LRP1B: variants seen among roughly 807,000 people sequenced by gnomAD.
LRP1B encodes the protein low-density lipoprotein receptor-related protein 1B.
A neutral mutation model predicts 556.6 loss-of-function variants in LRP1B; 217 were observed. The observed-to-expected ratio is 0.39, with a 90% confidence interval of 0.35 to 0.44. LRP1B has a LOEUF of 0.44. Among genes scored for constraint, LRP1B ranks in the 20% least tolerant of loss-of-function variants. The probability of loss-of-function intolerance (pLI) is 1.00; values close to 1 mark genes in which losing one functional copy is unlikely to be tolerated. For missense variants in LRP1B, 5,053 were observed against 5,620.8 expected (o/e 0.90, Z 3.23); for synonymous variants, 2,047 against 1,865.8 (o/e 1.10, Z -2.50).
intron 85 of LRP1B, 152 bp downstream of exon 85, chr2:140,274,272 C>G (rs1682579135): frequency 1.6e-6 from 1 of 641,946 alleles, no homozygotes; most frequent in East Asian, 2.8e-5. Context: ...TTAAAGTGAA[C>G]TAGACTTACT....
rs1480339297 is a variant in LRP1B at position 141,229,589 on chromosome 2, T to C, written c.593-149A>G. The C allele has an allele frequency of 6.6e-6, 4 of 603,310 alleles. No homozygotes were observed. In the Admixed American group the frequency reaches 1.4e-4, roughly 22 times the overall value. The allele number at this position is 603,310 out of a possible 1,614,324, so 37.4% of individuals were successfully genotyped here. A position where few individuals can be genotyped will look rare whatever the true frequency, so the allele number is the denominator to read the frequency against. ...AAAAAAACTTTCTATAAGTCATATG[T>C]ATACTTCACTGTTTTAGTGTACTTC... is the stretch of plus-strand genomic sequence containing the variant. On this transcript the variant is annotated intron_variant, in intron 5 of 90. Coordinates refer to ENST00000389484, the MANE Select transcript of LRP1B (RefSeq NM_018557.3).
At chr2:141,400,849 C>G (rs1429541392) in intron 3 of LRP1B, among the ~76,000 whole-genome samples, 1 of 152,158 alleles carries the variant, frequency 6.6e-6, no homozygotes, top group East Asian at 1.9e-4. Flanking sequence ...AAACCAAATT[C>G]TATAGCCTGG....
rs114469469 is a variant in LRP1B at position 141,286,810 on chromosome 2, C to T, written c.344-32169G>A. The T allele has an allele frequency of 2.8e-3, 1,033 of 374,946 alleles. 12 individuals are homozygous for T. The highest frequency in any genetic ancestry group is 0.019 in the African/African-American group (909 of 48,358). The allele number at this position is 374,946 out of a possible 1,614,324, so 23.2% of individuals were successfully genotyped here. On this transcript the variant is annotated intron_variant, in intron 3 of 90. Transcript: ENST00000389484. ...GTATAAACTTGTTTACAACACTCTCCTATTTTCCTTTTAATGGGCAATGCT... is the reference window on the plus strand; with the variant it reads ...GTATAAACTTGTTTACAACACTCTCTTATTTTCCTTTTAATGGGCAATGCT...
intron 1 of LRP1B, among the ~76,000 whole-genome samples, chr2:142,028,677 G>A (rs771943557): frequency 2.6e-5 from 4 of 151,890 alleles, no homozygotes; most frequent in Non-Finnish European, 4.4e-5. Flanking sequence ...ATTTCTCTTA[G>A]GTAAATGCCT....
intron 6 of LRP1B, among the ~76,000 whole-genome samples, chr2:141,220,824 AG>A (rs1377882315): frequency 6.6e-6 from 1 of 152,008 alleles, no homozygotes; most frequent in Admixed American, 6.6e-5. Context: ...AGCCATACTA[AG>A]CTTCATAAGG....
At chr2:140,804,436 A>G (rs1440346519) in intron 32 of LRP1B, among the ~76,000 whole-genome samples, 1 of 151,736 alleles carries the variant, frequency 6.6e-6, no homozygotes, top group Non-Finnish European at 1.5e-5. Context: ...TATTTTTTAA[A>G]TTTTTCTCTT....
In LRP1B at chr2:141,487,495, C is replaced by T. The variant is rs987430964; in HGVS notation, c.206-6962G>A. On this transcript the variant is annotated intron_variant, in intron 2 of 90. Coordinates refer to ENST00000389484, the MANE Select transcript of LRP1B (RefSeq NM_018557.3). ...TTCTACAAATGCTACTTTCATCTCA[C>T]GAATACTCTCAAAATTATAATGGTT... Among the ~76,000 whole-genome samples, 34 of 152,270 alleles carry T rather than the reference C, an allele frequency of 2.2e-4. 1 individual carries two copies. The highest frequency in any genetic ancestry group is 1.2e-3 in the Admixed American group (19 of 15,276).
At chr2:141,484,988 T>G (rs960075317) in intron 2 of LRP1B, among the ~76,000 whole-genome samples, 2 of 152,270 alleles carry the variant, frequency 1.3e-5, no homozygotes, top group Middle Eastern at 3.4e-3. Context: ...AGGAACATGA[T>G]AGCAGGAGTA....
In LRP1B at chr2:141,049,024, T is replaced by C; in HGVS notation, c.1751A>G (p.Lys584Arg). The stretch of plus-strand genomic sequence containing the variant: ...GGTTTCTCTCTCTGTGCCATCTATC[T>C]TCTGCCGGCCAATTAGGAAACTGGT... ...DTTSFLIGRQKIDGTERETIL... is the reference protein window; with the variant it reads ...DTTSFLIGRQRIDGTERETIL... Residue 584 changes from lysine (K) to arginine (R), a missense_variant, in exon 11 of 91, where the codon AAG becomes AGG. Physicochemically the swap from Lys to Arg is conservative, Grantham distance 26. Around this residue, in one of 5 missense-constraint regions of LRP1B, gnomAD observed 3,619 missense variants for 3,931.9 expected, o/e 0.92. Transcript: ENST00000389484. 6.2e-7 allele frequency: 1 copy of C among 1,613,502 alleles called. No individual in the cohort carries two copies. Among genetic ancestry groups the C allele is most frequent in the Non-Finnish European group, 8.5e-7 (1 of 1,179,640 alleles).
chr2:141,442,782 G>A (rs114372180), intron 3 of LRP1B, among the ~76,000 whole-genome samples: 6,298 of 152,096 alleles, frequency 0.041, 184 homozygotes, highest in Non-Finnish European at 0.059. Flanking sequence ...TGGCTACATC[G>A]TATTCCATGG....
At chr2:141,081,749 G>A (rs979119963) in intron 7 of LRP1B, among the ~76,000 whole-genome samples, 1 of 152,152 alleles carries the variant, frequency 6.6e-6, no homozygotes, top group East Asian at 1.9e-4. Context: ...AAGAGGCACA[G>A]TAGAACTTTA....
chr2:141,156,023 AC>A (rs2105097381), intron 7 of LRP1B, among the ~76,000 whole-genome samples: 1 of 152,258 alleles, frequency 6.6e-6, no homozygotes, highest in South Asian at 2.1e-4. Context: ...AGACATTCAA[AC>A]ACTCAACTAC....
chr2:141,623,852 T>C (rs909079961), intron 2 of LRP1B, among the ~76,000 whole-genome samples: 3 of 150,970 alleles, frequency 2.0e-5, no homozygotes, highest in Non-Finnish European at 2.9e-5. Context: ...CCGTCTCTGC[T>C]AAAAATACAA....
chr2:140,337,598 C>A (rs1270967043), intron 77 of LRP1B, among the ~76,000 whole-genome samples: 1 of 151,794 alleles, frequency 6.6e-6, no homozygotes, highest in African/African-American at 2.4e-5. Context: ...TGGGAAAAAT[C>A]ACCATTATAA....
chr2:141,617,036 A>G (rs1430896775), intron 2 of LRP1B, among the ~76,000 whole-genome samples: 2 of 152,272 alleles, frequency 1.3e-5, no homozygotes, highest in East Asian at 1.9e-4. Flanking sequence ...TGCCTTCACC[A>G]ACTCCTGAAG....
rs566542601 is a variant in LRP1B, at chr2:141,362,270, T to A, written c.344-107629A>T. 4.4e-4 allele frequency among the ~76,000 whole-genome samples: 67 copies of A among 152,360 alleles called. 1 individual carries two copies. Among genetic ancestry groups the A allele is most frequent in the Middle Eastern group, 3.4e-3 (1 of 294 alleles). ...TGGTCCTATTAATAGGAAAAACCTT[T>A]CTATCCTTTTCCAAAGAGATGATTA... On this transcript the variant is annotated intron_variant, in intron 3 of 90. Coordinates refer to ENST00000389484, the MANE Select transcript of LRP1B (RefSeq NM_018557.3).
At chr2:141,881,734 C>T (rs1218535317) in intron 1 of LRP1B, among the ~76,000 whole-genome samples, 3 of 151,810 alleles carry the variant, frequency 2.0e-5, no homozygotes, top group Non-Finnish European at 4.4e-5. Context: ...TCTTGTAGGT[C>T]CTACAAAAAA....
At chr2:141,890,661 T>C (rs7593594) in intron 1 of LRP1B, among the ~76,000 whole-genome samples, 56,722 of 151,672 alleles carry the variant, frequency 0.37, 11,635 homozygotes, top group Admixed American at 0.49. Flanking sequence ...GTCCCGACTA[T>C]CAATACAGTT....
At chr2:141,845,562 A>T (rs1275167335) in intron 1 of LRP1B, among the ~76,000 whole-genome samples, 1 of 151,878 alleles carries the variant, frequency 6.6e-6, no homozygotes, top group Non-Finnish European at 1.5e-5. Flanking sequence ...GCAGTGTCTG[A>T]GGCATTCTTC....
Sources: gnomAD v4.1 joint callset for allele counts (sites outside exome capture counted in the v4.1 genomes callset) on GRCh38, gnomAD v4.1.1 for gene constraint, gnomAD v4.1.1 regional missense constraint, MANE v1.5 for transcripts, NCBI Gene and HGNC (gene_info 2026-07-23, HGNC 2026-07-21) for gene names.